CDH18: variants seen among roughly 807,000 people sequenced by gnomAD.
CDH18 encodes the protein cadherin 18.
Under a neutral mutation model 67.9 loss-of-function variants are expected in CDH18, and 31 were observed. That is an observed-to-expected ratio of 0.46 (90% CI 0.34 to 0.62). The LOEUF is 0.62. Among genes scored for constraint, CDH18 ranks in the 20% least tolerant of loss-of-function variants. CDH18 has a pLI of 0.01. For missense variants in CDH18, 890 were observed against 975.5 expected, an observed-to-expected ratio of 0.91 and a Z score of 1.17; for synonymous variants, 362 against 347.2, an observed-to-expected ratio of 1.04 and a Z score of -0.48.
chr5:19,499,805 T>G (rs975183056), intron 11 of CDH18, among the ~76,000 whole-genome samples: 1 of 151,616 alleles, frequency 6.6e-6, no homozygotes, highest in African/African-American at 2.4e-5. Flanking sequence ...TCTCTTTCTC[T>G]CTCTCTTTTT....
rs55913504 is a variant in CDH18, at chr5:20,285,380, C to CATATAATATAATATA, written c.-579-29890_-579-29876dup. On this transcript the variant is annotated intron_variant, in intron 1 of 14. Transcript: ENST00000507958. ...TATAATCTGAGGCATGTAATATGGC[C>CATATAATATAATATA]ATATAATATAATATAATATAATATA... Among the ~76,000 whole-genome samples the CATATAATATAATATA allele has an allele frequency of 8.1e-4, 114 of 140,374 alleles. 1 individual carries two copies. Among genetic ancestry groups the CATATAATATAATATA allele is most frequent in the East Asian group, 1.4e-3 (7 of 4,872 alleles). 92.1% of individuals were successfully genotyped at this position (140,374 alleles called of 152,430 possible). A position where few individuals can be genotyped will look rare whatever the true frequency, so the allele number is the denominator to read the frequency against.
At chr5:20,240,019 T>G (rs1742772984) in intron 2 of CDH18, among the ~76,000 whole-genome samples, 1 of 152,140 alleles carries the variant, frequency 6.6e-6, no homozygotes, top group Non-Finnish European at 1.5e-5. Context: ...ATAATATATG[T>G]ATTTTAGAAC....
intron 1 of CDH18, among the ~76,000 whole-genome samples, chr5:20,390,789 G>A (rs1056030143): frequency 1.4e-4 from 21 of 152,076 alleles, no homozygotes; most frequent in African/African-American, 2.7e-4. Flanking sequence ...CATATACACC[G>A]TGGAATACCA....
intron 1 of CDH18, among the ~76,000 whole-genome samples, chr5:20,574,199 T>C (rs1487576144): frequency 6.6e-6 from 1 of 151,728 alleles, no homozygotes; most frequent in Non-Finnish European, 1.5e-5. Flanking sequence ...CGTCATAAAA[T>C]AGTGTTTTTT....
chr5:20,304,877 T>C (rs1326708415), intron 1 of CDH18: 3 of 1,611,934 alleles, frequency 1.9e-6, no homozygotes, highest in Non-Finnish European at 2.5e-6. Context: ...GCTAAATATT[T>C]CTCATAGTCT....
intron 2 of CDH18, among the ~76,000 whole-genome samples, chr5:20,098,099 T>A (rs1480469424): frequency 3.3e-5 from 5 of 151,964 alleles, no homozygotes; most frequent in Non-Finnish European, 4.4e-5. Flanking sequence ...TAATTTTTGT[T>A]AGAGACAAAA....
At chr5:19,688,017 C>T (rs1009550103) in intron 5 of CDH18, among the ~76,000 whole-genome samples, 2 of 152,170 alleles carry the variant, frequency 1.3e-5, no homozygotes, top group African/African-American at 4.8e-5. Context: ...CCACTGCTGG[C>T]ACCTGTACAC....
chr5:19,835,694 G>A (rs746831855), intron 3 of CDH18, among the ~76,000 whole-genome samples: 12 of 151,856 alleles, frequency 7.9e-5, no homozygotes, highest in Non-Finnish European at 1.6e-4. Context: ...GGGTGTGTGG[G>A]AGAAAAAAAA....
chr5:19,471,403 A>G lies in CDH18; in HGVS notation c.*1823T>C, dbSNP rs1737639333. 6.6e-6 allele frequency among the ~76,000 whole-genome samples: 1 copy of G among 152,176 alleles called. No homozygotes were observed. The highest frequency in any genetic ancestry group is 6.6e-5 in the Admixed American group (1 of 15,256). ...CCCATACCTCAAATTATAATATGATAGCACAGGGCAATTGCAAACAGAGGT... is the reference window on the plus strand; with the variant it reads ...CCCATACCTCAAATTATAATATGATGGCACAGGGCAATTGCAAACAGAGGT... On this transcript the variant is annotated 3_prime_UTR_variant, in exon 13 of 13. Transcript: ENST00000382275.
intron 2 of CDH18, among the ~76,000 whole-genome samples, chr5:20,204,157 A>G (rs965636239): frequency 1.3e-5 from 2 of 152,068 alleles, no homozygotes; most frequent in Non-Finnish European, 2.9e-5. Context: ...GAGAACACCA[A>G]ACAGATCCAG....
chr5:20,487,587 G>T (rs1045297278), intron 1 of CDH18, among the ~76,000 whole-genome samples: 1 of 150,588 alleles, frequency 6.6e-6, no homozygotes, highest in East Asian at 2.0e-4. Context: ...CACATTTGGG[G>T]GTTTGCTATA....
chr5:20,430,554 A>G (rs1748658375), intron 1 of CDH18, among the ~76,000 whole-genome samples: 1 of 152,210 alleles, frequency 6.6e-6, no homozygotes, highest in African/African-American at 2.4e-5. Flanking sequence ...CAGGTATAAA[A>G]ATGTCTCCCT....
chr5:19,655,081 C>A (rs1322654155), intron 5 of CDH18, among the ~76,000 whole-genome samples: 1 of 152,146 alleles, frequency 6.6e-6, no homozygotes, highest in African/African-American at 2.4e-5. Context: ...CTTAGCGCTG[C>A]AGTTTTCTAG....
At position 20,029,060 on chromosome 5, in the gene CDH18, A is replaced by AT. The variant is rs150886338; in HGVS notation, c.-517-37047dup. Among the ~76,000 whole-genome samples the AT allele has an allele frequency of 0.018, 2,791 of 152,200 alleles. 189 individuals are homozygous for AT. In the East Asian group the frequency reaches 0.25, roughly 14 times the overall value. On this transcript the variant is annotated intron_variant, in intron 2 of 14. Coordinates refer to the CDH18 transcript ENST00000507958. ...GATCCAAGGATCCAAAGCAACAGACATTTTTTGTATGACAGCCAATTATTC... is the reference window on the plus strand; with the variant it reads ...GATCCAAGGATCCAAAGCAACAGACATTTTTTTGTATGACAGCCAATTATTC...
intron 1 of CDH18, among the ~76,000 whole-genome samples, chr5:20,531,719 G>A (rs1252009943): frequency 6.6e-6 from 1 of 151,980 alleles, no homozygotes; most frequent in Non-Finnish European, 1.5e-5. Context: ...AGGGGAACAA[G>A]CAACAATGGG....
At chr5:20,231,292 A>T (rs1742048879) in intron 2 of CDH18, among the ~76,000 whole-genome samples, 1 of 152,172 alleles carries the variant, frequency 6.6e-6, no homozygotes, top group South Asian at 2.1e-4. Flanking sequence ...TCAAACCAGA[A>T]GATTTAAGTC....
At chr5:19,835,660 T>G (rs1781543918) in intron 3 of CDH18, among the ~76,000 whole-genome samples, 1 of 152,138 alleles carries the variant, frequency 6.6e-6, no homozygotes, top group Admixed American at 6.6e-5. Context: ...TTTTTAATTT[T>G]TAGTTAAGCA....
chr5:20,395,469 A>C (rs1342940204), intron 1 of CDH18, among the ~76,000 whole-genome samples: 1 of 152,146 alleles, frequency 6.6e-6, no homozygotes, highest in African/African-American at 2.4e-5. Context: ...TAGGAATAAG[A>C]AACTCCATAT....
chr5:20,488,805 A>G (rs1331712173), intron 1 of CDH18, among the ~76,000 whole-genome samples: 1 of 151,680 alleles, frequency 6.6e-6, no homozygotes, highest in African/African-American at 2.4e-5. Context: ...TAAACCTAAG[A>G]CCTTAGAGAT....
Sources: gnomAD v4.1 joint callset for allele counts (sites outside exome capture counted in the v4.1 genomes callset) on GRCh38, gnomAD v4.1.1 for gene constraint, MANE v1.5 for transcripts, NCBI Gene and HGNC (gene_info 2026-07-23, HGNC 2026-07-21) for gene names.